ZNF528: variants seen among roughly 807,000 people sequenced by gnomAD.
The protein encoded by ZNF528 is zinc finger protein 528.
A neutral mutation model predicts 13.3 loss-of-function variants in ZNF528; 9 were observed. The ratio of observed to expected loss-of-function variants is 0.67; its 90% CI spans 0.41 to 1.18. The LOEUF is 1.18. ZNF528 is among the 50% of genes most tolerant of loss of function. The pLI is 0.01. For missense variants in ZNF528, 858 were observed against 745.4 expected (o/e 1.15, Z -1.76); for synonymous variants, 264 against 254.3 (o/e 1.04, Z -0.36).
Position 52,415,526 on chromosome 19 carries a change from G to T in ZNF528, c.674G>T (p.Ser225Ile). The change falls in exon 7 of 7, where the codon AGT (serine) becomes ATT (isoleucine). Residue 225 changes from serine to isoleucine, a missense_variant. Coordinates refer to ENST00000360465, the MANE Select transcript of ZNF528 (RefSeq NM_032423.3). ...CSECGKVFSCSSKLVIHRRMH... is the reference protein window; with the variant it reads ...CSECGKVFSCISKLVIHRRMH... ...GAATGTGGCAAGGTCTTTAGTTGCAGTTCAAAGCTTGTGATACATCGAAGA... is the reference window on the plus strand; with the variant it reads ...GAATGTGGCAAGGTCTTTAGTTGCATTTCAAAGCTTGTGATACATCGAAGA... The T allele has an allele frequency of 1.2e-6, 2 of 1,613,968 alleles. No individual in the cohort carries two copies. Among genetic ancestry groups the T allele is most frequent in the South Asian group, 2.2e-5 (2 of 91,064 alleles).
intron 5 of ZNF528, 56 bp from the exon 6 acceptor site, chr19:52,406,459 A>AGGGCTT: frequency 6.3e-7 from 1 of 1,575,056 alleles, no homozygotes; most frequent in South Asian, 1.2e-5. Context: ...CCCTAAATAC[A>AGGGCTT]GGGCTTGGAC....
Position 52,416,285 on chromosome 19 carries a change from C to CT in ZNF528, c.1435dup (p.Ser479PhefsTer7), listed in dbSNP as rs756109562. On this transcript the variant is annotated frameshift_variant, in exon 7 of 7. Transcript: ENST00000360465. LOFTEE classifies it low-confidence loss of function (END_TRUNC). ...TGTGGCAAAGTCTTCAGGTACAAGT[C>CT]TTCTCTAACCAGTCATCATAGAATT... 1 of 1,613,966 alleles carries CT rather than the reference C, an allele frequency of 6.2e-7. No homozygotes were observed. The highest frequency in any genetic ancestry group is 8.5e-7 in the Non-Finnish European group (1 of 1,180,014).
intron 6 of ZNF528, chr19:52,411,661 AT>A (rs2058932893): frequency 2.0e-5 from 3 of 152,306 alleles, no homozygotes; most frequent in Middle Eastern, 6.8e-3. Context: ...AGAAATATGA[AT>A]GACCCCCATC....
At chr19:52,412,616 G>C (rs1448925233) in intron 6 of ZNF528, 4 of 152,176 alleles carry the variant, frequency 2.6e-5, no homozygotes, top group Non-Finnish European at 4.4e-5. Flanking sequence ...AGCAGGAGGG[G>C]TGCCATTCTG....
chr19:52,399,720 A>T (rs1404343312), intron 2 of ZNF528, among the ~76,000 whole-genome samples: 2 of 152,174 alleles, frequency 1.3e-5, no homozygotes, highest in Non-Finnish European at 2.9e-5. Flanking sequence ...AAGTTAGGAA[A>T]AACCAGTGTG....
At position 52,416,775 on chromosome 19, in the gene ZNF528, T is replaced by G; in HGVS notation, c.*36T>G. ...AAACTGTATGGCAAAACCATCATCA[T>G]GAGTTCTAGCATTAATCAACATCAG... On this transcript the variant is annotated 3_prime_UTR_variant, in exon 7 of 7. Transcript: ENST00000360465. 6.4e-7 allele frequency: 1 copy of G among 1,550,500 alleles called. No individual in the cohort carries two copies. The highest frequency in any genetic ancestry group is 8.7e-7 in the Non-Finnish European group (1 of 1,143,894).
chr19:52,403,771 GAT>G (rs367628016), intron 4 of ZNF528, among the ~76,000 whole-genome samples: 3 of 151,778 alleles, frequency 2.0e-5, no homozygotes, highest in Middle Eastern at 3.4e-3. Flanking sequence ...GTGTACATGT[GAT>G]GTGTGTGGAT....
intron 3 of ZNF528, 75 bp downstream of exon 3, chr19:52,401,828 T>G (rs2058798425): frequency 6.6e-7 from 1 of 1,524,204 alleles, no homozygotes; most frequent in Non-Finnish European, 8.8e-7. Flanking sequence ...ATCAGACCTA[T>G]GTAGAAAGTC....
intron 5 of ZNF528, 143 bp downstream of exon 5, chr19:52,406,176 T>A (rs562711165): frequency 8.7e-7 from 1 of 1,149,562 alleles, no homozygotes; most frequent in East Asian, 2.5e-5. Context: ...TATTACACTT[T>A]CTGGACTTGA....
chr19:52,401,540 G>A lies in ZNF528; in HGVS notation c.-136-145G>A, dbSNP rs114764188. The A allele has an allele frequency of 4.8e-3, 2,783 of 580,884 alleles. 69 individuals are homozygous for A. The African/African-American group carries it at 0.052, about 11-fold the overall frequency. The allele number at this position is 580,884 out of a possible 1,614,324, so 36.0% of individuals were successfully genotyped here. A position where few individuals can be genotyped will look rare whatever the true frequency, so the allele number is the denominator to read the frequency against. On this transcript the variant is annotated intron_variant, in intron 2 of 6. Coordinates refer to ENST00000360465, the MANE Select transcript of ZNF528 (RefSeq NM_032423.3). ...CTCATCTCCTGCCTCTGTTCTTCCC[G>A]CTCCCTCTACTGCAACTACACAGCC...
intron 2 of ZNF528, among the ~76,000 whole-genome samples, chr19:52,399,546 T>A (rs769805845): frequency 1.3e-5 from 2 of 152,070 alleles, no homozygotes; most frequent in Non-Finnish European, 2.9e-5. Flanking sequence ...GAGGCAGAGG[T>A]TGCAGTGAGC....
rs1000988520 is a variant in ZNF528, at chr19:52,417,455, A to G, written c.*716A>G. On this transcript the variant is annotated 3_prime_UTR_variant, in exon 7 of 7. Coordinates refer to ENST00000360465, the MANE Select transcript of ZNF528 (RefSeq NM_032423.3). ...GAGCTTCAGTGTCCACCAACTGACC[A>G]TGAAATAGAGTATGCTGTAATCTTA... is the stretch of plus-strand genomic sequence containing the variant. 3 of 157,308 alleles carry G rather than the reference A, an allele frequency of 1.9e-5. No individual in the cohort carries two copies. Among genetic ancestry groups the G allele is most frequent in the East Asian group, 1.9e-4 (1 of 5,342 alleles). 9.7% of individuals were successfully genotyped at this position (157,308 alleles called of 1,614,324 possible). A position where few individuals can be genotyped will look rare whatever the true frequency, so the allele number is the denominator to read the frequency against.
intron 2 of ZNF528, 42 bp downstream of exon 2, chr19:52,398,661 G>T: frequency 1.0e-6 from 1 of 955,198 alleles, no homozygotes; most frequent in Non-Finnish European, 1.2e-6. Context: ...AGAAGGTGCC[G>T]AGAAAATAGC....
At chr19:52,401,408 T>G (rs957011474) in intron 2 of ZNF528, among the ~76,000 whole-genome samples, 4 of 152,176 alleles carry the variant, frequency 2.6e-5, no homozygotes, top group African/African-American at 7.2e-5. Flanking sequence ...CATATTTACT[T>G]AAAATGAGTG....
In ZNF528 at chr19:52,406,546, C is replaced by T; in HGVS notation, c.174C>T (p.Ser58=). ...GICLPDLSVT[S]MLEQKRDPWT... is the part of the protein sequence containing the mutation. ...GTCTTCCTGACCTGAGTGTTACCTC[C>T]ATGTTAGAGCAAAAGAGAGATCCCT... Residue 58 remains serine, a synonymous_variant, in exon 6 of 7, where the codon TCC becomes TCT. Coordinates refer to ENST00000360465, the MANE Select transcript of ZNF528 (RefSeq NM_032423.3). The T allele has an allele frequency of 6.2e-7, 1 of 1,613,872 alleles. No homozygotes were observed. The highest frequency in any genetic ancestry group is 8.5e-7 in the Non-Finnish European group (1 of 1,179,928).
chr19:52,403,317 G>C (rs563929228), intron 4 of ZNF528, among the ~76,000 whole-genome samples: 1 of 152,202 alleles, frequency 6.6e-6, no homozygotes, highest in South Asian at 2.1e-4. Flanking sequence ...ACAATGTATT[G>C]AGACCCTGTG....
rs377698311 is a variant in ZNF528, at chr19:52,415,999, T to C, written c.1147T>C (p.Cys383Arg). ...TCACACTGGAAGGAAACCTTACAAA[T>C]GTAAAGAATGTGACAAGGTCTTTGG... is the stretch of plus-strand genomic sequence containing the variant. ...LIHTGRKPYK[C>R]KECDKVFGRK... The change falls in exon 7 of 7, where the codon TGT becomes CGT. Residue 383 changes from cysteine (C) to arginine (R), a missense_variant. Transcript: ENST00000360465. 2.9e-5 allele frequency: 47 copies of C among 1,614,002 alleles called. No individual in the cohort carries two copies. The highest frequency in any genetic ancestry group is 4.0e-5 in the African/African-American group (3 of 74,920).
chr19:52,416,019 C>T lies in ZNF528; in HGVS notation c.1167C>T (p.Val389=), dbSNP rs750087586. Residue 389 remains valine (V), a synonymous_variant, in exon 7 of 7, where the codon GTC becomes GTT. Coordinates refer to ENST00000360465, the MANE Select transcript of ZNF528 (RefSeq NM_032423.3). ...ACAAATGTAAAGAATGTGACAAGGT[C>T]TTTGGGCGCAAGTGTTTCCTGACCT... ...KPYKCKECDK[V]FGRKCFLTSH... is the part of the protein sequence containing the mutation. 2.5e-6 allele frequency: 4 copies of T among 1,614,100 alleles called. No individual in the cohort carries two copies. The South Asian group carries it at 3.3e-5, about 13-fold the overall frequency.
intron 2 of ZNF528, among the ~76,000 whole-genome samples, chr19:52,398,843 A>G (rs1421501238): frequency 6.6e-6 from 1 of 152,120 alleles, no homozygotes; most frequent in Non-Finnish European, 1.5e-5. Flanking sequence ...GCTGGTCACA[A>G]GGAGAACAGG....
Sources: gnomAD v4.1 joint callset for allele counts (sites outside exome capture counted in the v4.1 genomes callset) on GRCh38, gnomAD v4.1.1 for gene constraint, MANE v1.5 for transcripts, NCBI Gene and HGNC (gene_info 2026-07-23, HGNC 2026-07-21) for gene names.